CNTN5: variants seen among roughly 807,000 people sequenced by gnomAD.
The protein encoded by CNTN5 is contactin 5.
Under a neutral mutation model 129.1 loss-of-function variants are expected in CNTN5, and 77 were observed. The observed-to-expected ratio is 0.60, with a 90% confidence interval of 0.50 to 0.72. CNTN5 has a LOEUF of 0.72. CNTN5 is among the 30% of genes least tolerant of loss of function. CNTN5 has a pLI of 0.00. For missense variants in CNTN5, 1,478 were observed against 1,328.8 expected (o/e 1.11, Z -1.75); for synonymous variants, 509 against 465.6 (o/e 1.09, Z -1.20).
At chr11:99,523,663 T>TAGAATAGAATAGAATAA (rs1565258700) in intron 2 of CNTN5, among the ~76,000 whole-genome samples, 42 of 132,770 alleles carry the variant, frequency 3.2e-4, no homozygotes, top group African/African-American at 1.1e-3. Flanking sequence ...ACAGAACAGA[T>TAGAATAGAATAGAATAA]CAGAACAGAA....
intron 17 of CNTN5, among the ~76,000 whole-genome samples, chr11:100,259,934 A>G (rs1466385414): frequency 1.3e-5 from 2 of 152,164 alleles, no homozygotes; most frequent in Non-Finnish European, 2.9e-5. Flanking sequence ...AAGACAAGAA[A>G]TAACTAAGAC....
chr11:100,189,322 A>T (rs1381182606), intron 13 of CNTN5, among the ~76,000 whole-genome samples: 2 of 151,822 alleles, frequency 1.3e-5, no homozygotes, highest in Non-Finnish European at 2.9e-5. Flanking sequence ...CAAGTGGATC[A>T]GGGGCCGAAA....
At chr11:99,437,342 G>A (rs547160896) in intron 2 of CNTN5, among the ~76,000 whole-genome samples, 3 of 152,068 alleles carry the variant, frequency 2.0e-5, no homozygotes, top group Non-Finnish European at 2.9e-5. Context: ...CTTTCTTTAC[G>A]TAATCATCTA....
intron 2 of CNTN5, among the ~76,000 whole-genome samples, chr11:99,421,736 A>T (rs1472944394): frequency 6.6e-6 from 1 of 152,150 alleles, no homozygotes; most frequent in Non-Finnish European, 1.5e-5. Context: ...GTTAAGTTAG[A>T]TCAGAGTGTT....
chr11:99,634,548 T>C (rs1375127342), intron 3 of CNTN5, among the ~76,000 whole-genome samples: 5 of 152,218 alleles, frequency 3.3e-5, no homozygotes, highest in East Asian at 3.8e-4. Flanking sequence ...TTGGCCCTGA[T>C]ACTTAGTACT....
intron 2 of CNTN5, among the ~76,000 whole-genome samples, chr11:99,349,869 G>C (rs961348698): frequency 6.6e-6 from 1 of 152,074 alleles, no homozygotes; most frequent in Non-Finnish European, 1.5e-5. Flanking sequence ...TCCTACCACT[G>C]ATCTCTCTGA....
chr11:100,096,322 A>C lies in CNTN5; in HGVS notation c.1580+22028A>C, dbSNP rs111833537. 7.5e-3 allele frequency among the ~76,000 whole-genome samples: 1,146 copies of C among 152,198 alleles called. 21 individuals carry two copies. The highest frequency in any genetic ancestry group is 0.026 in the African/African-American group (1,098 of 41,544). ...TGACACCTATTTCATTGGTTTTGCG[A>C]GAATTAAAAGAGATCGCGCTTTCAA... On this transcript the variant is annotated intron_variant, in intron 13 of 24. Transcript: ENST00000524871.
chr11:100,339,854 C>T lies in CNTN5; in HGVS notation c.2731-609C>T, dbSNP rs188113500. ...GAAGCCAGTTACCATAAGCTCCTAA[C>T]GAGGAAAGATGATCTCAATGCATAA... is the stretch of plus-strand genomic sequence containing the variant. On this transcript the variant is annotated intron_variant, in intron 21 of 24. Coordinates refer to ENST00000524871, the MANE Select transcript of CNTN5 (RefSeq NM_014361.4). Among the ~76,000 whole-genome samples the T allele has an allele frequency of 1.6e-4, 24 of 152,234 alleles. No individual in the cohort carries two copies. In the East Asian group the frequency reaches 4.3e-3, roughly 27 times the overall value.
At chr11:99,989,225 G>A (rs1938892017) in intron 8 of CNTN5, among the ~76,000 whole-genome samples, 1 of 152,004 alleles carries the variant, frequency 6.6e-6, no homozygotes, top group Non-Finnish European at 1.5e-5. Flanking sequence ...TTTAATTGCT[G>A]AATATTTAAT....
intron 2 of CNTN5, among the ~76,000 whole-genome samples, chr11:99,387,990 T>C (rs908362875): frequency 3.3e-5 from 5 of 152,162 alleles, no homozygotes; most frequent in Non-Finnish European, 7.3e-5. Flanking sequence ...TTGATTCCAG[T>C]GTGCAGCCAG....
At position 99,109,635 on chromosome 11, in the gene CNTN5, G is replaced by T. The variant is rs976716668; in HGVS notation, c.-210+88365G>T. ...GTGATTACAGACAGTTGTAGATCAC[G>T]TTAGAAGCAGAGGTAATAGAACCAT... On this transcript the variant is annotated intron_variant, in intron 1 of 24. Transcript: ENST00000524871. 3.3e-5 allele frequency among the ~76,000 whole-genome samples: 5 copies of T among 152,180 alleles called. No individual in the cohort carries two copies. The East Asian group carries it at 5.8e-4, about 18-fold the overall frequency.
At chr11:100,186,171 G>C (rs916422251) in intron 13 of CNTN5, among the ~76,000 whole-genome samples, 7 of 151,940 alleles carry the variant, frequency 4.6e-5, no homozygotes, top group African/African-American at 1.7e-4. Flanking sequence ...ACCATCATGG[G>C]CAACATGGCA....
At chr11:99,560,268 GTATTAT>G (rs35741733) in intron 3 of CNTN5, among the ~76,000 whole-genome samples, 7,774 of 141,876 alleles carry the variant, frequency 0.055, 208 homozygotes, top group South Asian at 0.09. Context: ...GAATCTAACT[GTATTAT>G]TATTATTATT....
At chr11:100,140,243 A>C (rs535693870) in intron 13 of CNTN5, among the ~76,000 whole-genome samples, 1 of 152,234 alleles carries the variant, frequency 6.6e-6, no homozygotes, top group African/African-American at 2.4e-5. Flanking sequence ...AAATATGCCA[A>C]CATGGCTTTG....
intron 3 of CNTN5, among the ~76,000 whole-genome samples, chr11:99,742,789 T>G (rs1943927738): frequency 6.6e-6 from 1 of 152,170 alleles, no homozygotes; most frequent in Admixed American, 6.6e-5. Context: ...ATACTTCTAG[T>G]TACTATAATC....
intron 7 of CNTN5, among the ~76,000 whole-genome samples, chr11:99,930,111 T>C (rs1030664505): frequency 1.3e-5 from 2 of 152,146 alleles, no homozygotes; most frequent in Non-Finnish European, 2.9e-5. Flanking sequence ...CTTGCCAGTG[T>C]CTGGGAGGGG....
chr11:99,858,678 A>G (rs12798537), intron 6 of CNTN5, among the ~76,000 whole-genome samples: 146,370 of 146,392 alleles, frequency 1, 73,174 homozygotes, highest in Middle Eastern at 1. Context: ...GAGTTTTTTT[A>G]AAGTTATTTC....
intron 9 of CNTN5, among the ~76,000 whole-genome samples, chr11:100,045,371 A>C (rs1191070759): frequency 6.6e-6 from 1 of 152,134 alleles, no homozygotes; most frequent in Non-Finnish European, 1.5e-5. Flanking sequence ...GCCAACTATA[A>C]TTACGCATTG....
chr11:99,682,576 CAG>C (rs1953605612), intron 3 of CNTN5, among the ~76,000 whole-genome samples: 2 of 151,874 alleles, frequency 1.3e-5, no homozygotes, highest in Non-Finnish European at 2.9e-5. Context: ...ATAATTCAAA[CAG>C]AAAGTATACC....
Sources: gnomAD v4.1 joint callset for allele counts (sites outside exome capture counted in the v4.1 genomes callset) on GRCh38, gnomAD v4.1.1 for gene constraint, MANE v1.5 for transcripts, NCBI Gene and HGNC (gene_info 2026-07-23, HGNC 2026-07-21) for gene names.